The following KPNB1 variants were observed in gnomAD, a reference collection of about 807,000 sequenced individuals.
The protein encoded by KPNB1 is importin subunit beta-1.
KPNB1 carries 7 observed loss-of-function variants against 113.0 expected under a neutral mutation model. The observed-to-expected ratio is 0.06, with a 90% CI of 0.04 to 0.12. KPNB1 has a LOEUF of 0.12. Among genes scored for constraint, KPNB1 ranks in the 10% least tolerant of loss-of-function variants. The pLI is 1.00. For synonymous variants in KPNB1, 363 were observed against 378.6 expected, an observed-to-expected ratio of 0.96 and a Z score of 0.48; for missense variants, 400 against 1,054.8, an observed-to-expected ratio of 0.38 and a Z score of 8.60.
rs1597940025 is a variant in KPNB1, at chr17:47,678,038, C to T, written c.2104-8C>T. 1.2e-6 allele frequency: 2 copies of T among 1,609,632 alleles called. No homozygotes were observed. The highest frequency in any genetic ancestry group is 4.5e-5 in the East Asian group (2 of 44,870). ...ACTTAATTCACTTTTCCTTTTGTTC[C>T]TTGTCAGAATGAGAACGTCCACAGG... is the stretch of plus-strand genomic sequence containing the variant. On this transcript the variant is annotated splice_region_variant and splice_polypyrimidine_tract_variant and intron_variant, in intron 17 of 21. Transcript: ENST00000290158.
chr17:47,675,973 T>C (rs919612634), intron 15 of KPNB1, among the ~76,000 whole-genome samples: 1 of 152,184 alleles, frequency 6.6e-6, no homozygotes, highest in Admixed American at 6.5e-5. Flanking sequence ...CAGTGCTGCT[T>C]TTCCTGGCTG....
chr17:47,659,683 A>G (rs2030030488), intron 5 of KPNB1, among the ~76,000 whole-genome samples: 1 of 152,194 alleles, frequency 6.6e-6, no homozygotes, highest in African/African-American at 2.4e-5. Flanking sequence ...ATAATGAAAA[A>G]TGAAATAAAT....
Position 47,685,349 on chromosome 17 carries a change from C to CAACTTCAATCTGTAATTGGCATTCAG in KPNB1, c.*2948_*2973dup, listed in dbSNP as rs2030909418. The CAACTTCAATCTGTAATTGGCATTCAG allele has an allele frequency of 6.6e-6, 1 of 152,170 alleles. No homozygotes were observed. The highest frequency in any genetic ancestry group is 2.4e-5 in the African/African-American group (1 of 41,436). 9.4% of individuals were successfully genotyped at this position (152,170 alleles called of 1,614,324 possible). A position where few individuals can be genotyped will look rare whatever the true frequency, so the allele number is the denominator to read the frequency against. The stretch of plus-strand genomic sequence containing the variant: ...TTTGATAGCATCTTGGTTTTTGAAA[C>CAACTTCAATCTGTAATTGGCATTCAG]AACTTCAATCTGTAATTGGCATTCA... On this transcript the variant is annotated 3_prime_UTR_variant, in exon 22 of 22. Transcript: ENST00000290158.
chr17:47,651,323 TGGG>T (rs1915562503), intron 2 of KPNB1: 1 of 984,902 alleles, frequency 1.0e-6, no homozygotes, highest in African/African-American at 1.7e-5. Flanking sequence ...CATCTCCTGT[TGGG>T]GGATGGGGTC....
rs1266751012 is a variant in KPNB1 at position 47,685,396 on chromosome 17, C to G, written c.*2992C>G. On this transcript the variant is annotated 3_prime_UTR_variant, in exon 22 of 22. Coordinates refer to ENST00000290158, the MANE Select transcript of KPNB1 (RefSeq NM_002265.6). ...TTCAGAATGCCCTTGGCATGCCAGT[C>G]TGTGATGGCATTTAAGACCTGTAAA... 1 of 152,176 alleles carries G rather than the reference C, an allele frequency of 6.6e-6. No individual in the cohort carries two copies. The highest frequency in any genetic ancestry group is 1.5e-5 in the Non-Finnish European group (1 of 68,038). The allele number at this position is 152,176 out of a possible 1,614,324, so 9.4% of individuals were successfully genotyped here.
intron 17 of KPNB1, 44 bp from the exon 18 acceptor site, chr17:47,678,002 A>G: frequency 1.3e-6 from 2 of 1,588,466 alleles, no homozygotes; most frequent in Non-Finnish European, 1.7e-6. Context: ...CTTTGGACCA[A>G]ACAAGTTTTG....
chr17:47,673,102 T>C lies in KPNB1; in HGVS notation c.1632T>C (p.Tyr544=), dbSNP rs1136614. 43,223 of 1,614,106 alleles carry C rather than the reference T, an allele frequency of 0.027. 1,178 individuals carry two copies. Among genetic ancestry groups the C allele is most frequent in the East Asian group, 0.11 (4,978 of 44,868 alleles). ...EIVKNSAKDC[Y]PAVQKTTLVI... ...TGAAAAACAGTGCCAAGGATTGTTA[T>C]CCTGCTGTCCAGAAAACGACTTTGG... The change falls in exon 13 of 22, where the codon TAT becomes TAC. Residue 544 remains tyrosine, a synonymous_variant. Transcript: ENST00000290158.
At chr17:47,659,708 TTGGTCTGTTTCATA>T (rs1191636915) in intron 5 of KPNB1, among the ~76,000 whole-genome samples, 1 of 152,092 alleles carries the variant, frequency 6.6e-6, no homozygotes, top group African/African-American at 2.4e-5. Flanking sequence ...ATTATAGCAA[TTGGTCTGTTTCATA>T]CCACCTTAGG....
rs566453173 is a variant in KPNB1, at chr17:47,658,580, C to G, written c.556C>G (p.Pro186Ala). The G allele has an allele frequency of 6.2e-7, 1 of 1,613,800 alleles. No homozygotes were observed. The highest frequency in any genetic ancestry group is 1.3e-5 in the African/African-American group (1 of 75,016). ...AATCCAGGGGATGAGGAAAGAAGAG[C>G]CTAGTAATAATGTGAAGCTAGCTGC... The part of the protein sequence containing the change: ...AIIQGMRKEE[P>A]SNNVKLAATN... Residue 186 changes from proline (P) to alanine (A), a missense_variant, in exon 5 of 22, where the codon CCT (proline) becomes GCT (alanine). Physicochemically the swap from Pro to Ala is conservative, Grantham distance 27. This residue lies in a region of KPNB1 where 285 missense variants were observed against 627.0 expected (regional missense o/e 0.45). Transcript: ENST00000290158.
At chr17:47,670,629 C>T (rs2030416945) in intron 11 of KPNB1, 73 bp from the exon 12 acceptor site, 1 of 1,472,570 alleles carries the variant, frequency 6.8e-7, no homozygotes, top group South Asian at 1.4e-5. Flanking sequence ...CCCAAAGTAT[C>T]TTAATGAAAA....
intron 20 of KPNB1, among the ~76,000 whole-genome samples, 185 bp downstream of exon 20, chr17:47,680,319 A>G (rs1048336043): frequency 6.6e-6 from 1 of 152,206 alleles, no homozygotes; most frequent in Non-Finnish European, 1.5e-5. Context: ...CAGACCCTCA[A>G]GGTGTCTGTA....
Position 47,674,015 on chromosome 17 carries a change from G to A in KPNB1, c.1767+454G>A, listed in dbSNP as rs529533651. 7.2e-5 allele frequency among the ~76,000 whole-genome samples: 11 copies of A among 152,272 alleles called. No individual in the cohort carries two copies. In the East Asian group the frequency reaches 1.7e-3, roughly 24 times the overall value. On this transcript the variant is annotated intron_variant, in intron 14 of 21. Coordinates refer to ENST00000290158, the MANE Select transcript of KPNB1 (RefSeq NM_002265.6). ...CAAAAAACTCTTGGTTTTTCATTAGGTTATTCAAGCCTAGCTCAGTCAGAT... is the reference window on the plus strand; with the variant it reads ...CAAAAAACTCTTGGTTTTTCATTAGATTATTCAAGCCTAGCTCAGTCAGAT...
chr17:47,675,549 C>G (rs2030593620), intron 15 of KPNB1, among the ~76,000 whole-genome samples: 1 of 151,662 alleles, frequency 6.6e-6, no homozygotes, highest in Admixed American at 6.6e-5. Flanking sequence ...CTAAAAGTTT[C>G]TATTTTCTTT....
chr17:47,658,729 G>C (rs1196047623), intron 5 of KPNB1, 69 bp downstream of exon 5: 2 of 1,417,800 alleles, frequency 1.4e-6, no homozygotes, highest in African/African-American at 2.9e-5. Flanking sequence ...AAAGTTTTTT[G>C]TTTTGTTTTC....
At chr17:47,674,875 G>A (rs754447722) in intron 15 of KPNB1, 93 bp downstream of exon 15, 8 of 1,338,366 alleles carry the variant, frequency 6.0e-6, no homozygotes, top group Non-Finnish European at 8.2e-6. Flanking sequence ...GGAGTGCAGT[G>A]GCACGATCTT....
At position 47,676,482 on chromosome 17, in the gene KPNB1, T is replaced by C; in HGVS notation, c.1986T>C (p.Ala662=). 6.2e-7 allele frequency: 1 copy of C among 1,610,598 alleles called. No individual in the cohort carries two copies. The highest frequency in any genetic ancestry group is 8.5e-7 in the Non-Finnish European group (1 of 1,176,784). Reference sequence around the variant, plus strand: ...TGGGCATTGGATTAAAAAATTATGCTGAATACCAGGTAGGATGTGCTTTTC... The same window carrying C: ...TGGGCATTGGATTAAAAAATTATGCCGAATACCAGGTAGGATGTGCTTTTC... ...PFLGIGLKNY[A]EYQVCLAAVG... is the part of the protein sequence containing the mutation. Residue 662 remains alanine, a synonymous_variant, in exon 16 of 22, where the codon GCT becomes GCC. Coordinates refer to ENST00000290158, the MANE Select transcript of KPNB1 (RefSeq NM_002265.6).
rs1386141222 is a variant in KPNB1 at position 47,650,133 on chromosome 17, C to G, written c.-112C>G. The G allele has an allele frequency of 3.5e-5, 18 of 516,874 alleles. No homozygotes were observed. In the African/African-American group the frequency reaches 3.7e-4, roughly 11 times the overall value. 32.0% of individuals were successfully genotyped at this position (516,874 alleles called of 1,614,324 possible). The stretch of plus-strand genomic sequence containing the variant: ...TGGGTTTGTGGTGACCCCCGCCCCC[C>G]ACCCCACCCTCCCTTCCCACCCGAC... On this transcript the variant is annotated 5_prime_UTR_variant, in exon 1 of 22. Transcript: ENST00000290158.
rs1951391356 is a variant in KPNB1 at position 47,683,102 on chromosome 17, A to AAAAAAAAG, written c.*705_*706insGAAAAAAA. 1.4e-5 allele frequency: 2 copies of AAAAAAAAG among 146,988 alleles called. No homozygotes were observed. The highest frequency in any genetic ancestry group is 3.9e-4 in the East Asian group (2 of 5,116). The allele number at this position is 146,988 out of a possible 1,614,324, so 9.1% of individuals were successfully genotyped here. On this transcript the variant is annotated 3_prime_UTR_variant, in exon 22 of 22. Transcript: ENST00000290158. ...AGCACAAGAGATGTAAAAAAAAAAAAAAAAAAAAAAAAAAAAACACACACA... is the reference window on the plus strand; with the variant it reads ...AGCACAAGAGATGTAAAAAAAAAAAAAAAAAAAGAAAAAAAAAAAAAAAAACACACACA...
At chr17:47,654,528 TAACTA>T (rs1483616419) in intron 3 of KPNB1, among the ~76,000 whole-genome samples, 1 of 152,062 alleles carries the variant, frequency 6.6e-6, no homozygotes, top group East Asian at 1.9e-4. Flanking sequence ...AGCACAACGA[TAACTA>T]ATACTAAGTT....
Sources: gnomAD v4.1 joint callset for allele counts (sites outside exome capture counted in the v4.1 genomes callset) on GRCh38, gnomAD v4.1.1 for gene constraint, gnomAD v4.1.1 regional missense constraint, MANE v1.5 for transcripts, NCBI Gene and HGNC (gene_info 2026-07-23, HGNC 2026-07-21) for gene names.